The following UGT1A9 variants were observed in gnomAD, a reference collection of about 807,000 sequenced individuals.
UGT1A9 encodes the protein UDP glucuronosyltransferase family 1 member A9, also known as UDP-glucuronosyltransferase 1A9.
Under a neutral mutation model 45.0 loss-of-function variants are expected in UGT1A9, and 35 were observed. That is an observed-to-expected ratio of 0.78 (90% CI 0.59 to 1.03). The LOEUF is 1.03. Ranked by LOEUF, UGT1A9 falls within the 50% of genes least tolerant of loss-of-function variation. UGT1A9 has a pLI of 0.00. For missense variants in UGT1A9, 687 were observed against 666.6 expected, an observed-to-expected ratio of 1.03 and a Z score of -0.34; for synonymous variants, 278 against 250.6, an observed-to-expected ratio of 1.11 and a Z score of -1.03.
At chr2:233,729,623 C>T (rs142986334) in intron 1 of UGT1A9, 391 of 1,613,794 alleles carry the variant, frequency 2.4e-4, no homozygotes, top group Non-Finnish European at 3.1e-4. Context: ...AAGTACCTGT[C>T]GATTCCTACT....
chr2:233,711,532 G>T (rs1296354324), intron 1 of UGT1A9, among the ~76,000 whole-genome samples: 2 of 152,124 alleles, frequency 1.3e-5, no homozygotes, highest in African/African-American at 4.8e-5. Flanking sequence ...ACAACTCCCC[G>T]GGAATCATCC....
chr2:233,753,396 G>C (rs1209022223), intron 1 of UGT1A9: 4 of 152,212 alleles, frequency 2.6e-5, no homozygotes, highest in South Asian at 2.1e-4. Context: ...GAGGGTACTA[G>C]AGCATATCCA....
chr2:233,682,671 A>G, intron 1 of UGT1A9: 1 of 1,613,852 alleles, frequency 6.2e-7, no homozygotes, highest in Non-Finnish European at 8.5e-7. Flanking sequence ...TATGATCTCT[A>G]CAGCCACACA....
At position 233,717,136 on chromosome 2, in the gene UGT1A9, T is replaced by A. The variant is rs565667210; in HGVS notation, c.855+44347T>A. Among the ~76,000 whole-genome samples, 275 of 152,170 alleles carry A rather than the reference T, an allele frequency of 1.8e-3. 2 individuals are homozygous for A. The highest frequency in any genetic ancestry group is 1.2e-3 in the Non-Finnish European group (83 of 68,008). On this transcript the variant is annotated intron_variant, in intron 1 of 4. Coordinates refer to ENST00000354728, the MANE Select transcript of UGT1A9 (RefSeq NM_021027.3). Reference sequence around the variant, plus strand: ...CCACTACATGGAAATAGAACACCACTACATGGAAATAGAACATGGGAGCCC... The same window carrying A: ...CCACTACATGGAAATAGAACACCACAACATGGAAATAGAACATGGGAGCCC...
rs537677937 is a variant in UGT1A9, at chr2:233,740,168, A to T, written c.856-26866A>T. On this transcript the variant is annotated intron_variant, in intron 1 of 4. Transcript: ENST00000354728. ...CCTGAGGCCTCCCCAGTCATGTGGA[A>T]CTGTGAGTCAATTAAACCTCTTTCT... Among the ~76,000 whole-genome samples the T allele has an allele frequency of 6.6e-5, 10 of 151,934 alleles. No homozygotes were observed. In the East Asian group the frequency reaches 9.6e-4, roughly 15 times the overall value.
At chr2:233,717,871 G>C (rs2076612840) in intron 1 of UGT1A9, 1 of 454,894 alleles carries the variant, frequency 2.2e-6, no homozygotes. Context: ...GATTGACTTG[G>C]AGAAAAGCCT....
intron 1 of UGT1A9, among the ~76,000 whole-genome samples, chr2:233,678,037 G>T (rs2074406811): frequency 6.6e-6 from 1 of 152,098 alleles, no homozygotes. Flanking sequence ...TGCAGCTGGA[G>T]GTCATTACCC....
chr2:233,736,812 A>G (rs2078811468), intron 1 of UGT1A9, among the ~76,000 whole-genome samples: 1 of 152,062 alleles, frequency 6.6e-6, no homozygotes, highest in South Asian at 2.1e-4. Context: ...CTGGAGGTCC[A>G]CTCCAGATGC....
At position 233,772,278 on chromosome 2, in the gene UGT1A9, A is replaced by G. The variant is rs1289153891; in HGVS notation, c.1312A>G (p.Met438Val). 6.2e-7 allele frequency: 1 copy of G among 1,614,252 alleles called. No homozygotes were observed. Among genetic ancestry groups the G allele is most frequent in the Admixed American group, 1.7e-5 (1 of 60,036 alleles). Residue 438 changes from methionine to valine, a missense_variant, in exon 5 of 5, where the codon ATG becomes GTG. By Grantham distance (21) the Met-to-Val change is conservative. Coordinates refer to ENST00000354728, the MANE Select transcript of UGT1A9 (RefSeq NM_021027.3). Reference sequence around the variant, plus strand: ...TGTGTTTAGTTACAAGGAGAACATCATGCGCCTCTCCAGCCTTCACAAGGA... The same window carrying G: ...TGTGTTTAGTTACAAGGAGAACATCGTGCGCCTCTCCAGCCTTCACAAGGA... ...INDKSYKENI[M>V]RLSSLHKDRP... is the part of the protein sequence containing the mutation.
chr2:233,766,390 C>T (rs11679312), intron 1 of UGT1A9, among the ~76,000 whole-genome samples: 2,966 of 152,260 alleles, frequency 0.019, 34 homozygotes, highest in Non-Finnish European at 0.031. Context: ...GTCCAGCTGT[C>T]CTTGCGTCCC....
chr2:233,728,324 C>T (rs1309797848), intron 1 of UGT1A9, among the ~76,000 whole-genome samples: 1 of 152,194 alleles, frequency 6.6e-6, no homozygotes, highest in Non-Finnish European at 1.5e-5. Context: ...GGCCAGGCTC[C>T]AGCTCCCCCA....
chr2:233,671,931 T>G lies in UGT1A9; in HGVS notation c.-4T>G. 1 of 1,603,076 alleles carries G rather than the reference T, an allele frequency of 6.2e-7. No homozygotes were observed. The highest frequency in any genetic ancestry group is 8.5e-7 in the Non-Finnish European group (1 of 1,174,434). The stretch of plus-strand genomic sequence containing the variant: ...AGCTGCTTGCTCTCAGCTGCAGTTC[T>G]CTGATGGCTTGCACAGGGTGGACCA... On this transcript the variant is annotated 5_prime_UTR_variant, in exon 1 of 5. Coordinates refer to ENST00000354728, the MANE Select transcript of UGT1A9 (RefSeq NM_021027.3).
At position 233,747,493 on chromosome 2, in the gene UGT1A9, T is replaced by G; in HGVS notation, c.856-19541T>G. 3.1e-6 allele frequency: 5 copies of G among 1,608,784 alleles called. No individual in the cohort carries two copies. In the South Asian group the frequency reaches 3.3e-5, roughly 11 times the overall value. The stretch of plus-strand genomic sequence containing the variant: ...CAGGATGAATTTGATCGCCTTGTGC[T>G]GGGCCACACTCAACTGTACTTTGAA... On this transcript the variant is annotated intron_variant, in intron 1 of 4. Coordinates refer to ENST00000354728, the MANE Select transcript of UGT1A9 (RefSeq NM_021027.3).
intron 1 of UGT1A9, chr2:233,719,191 T>A (rs1353737147): frequency 6.2e-7 from 1 of 1,614,228 alleles, no homozygotes; most frequent in Admixed American, 1.7e-5. Context: ...TCTTTGGCCC[T>A]TCATAGGTGT....
chr2:233,737,637 G>A (rs1475956364), intron 1 of UGT1A9, among the ~76,000 whole-genome samples: 4 of 152,182 alleles, frequency 2.6e-5, no homozygotes, highest in Admixed American at 6.5e-5. Context: ...CATCTTCTGC[G>A]TCGATCATGC....
In UGT1A9 at chr2:233,769,925, T is replaced by TG. The variant is rs2126049712; in HGVS notation, c.1295+1488dup. ...CATGTGCCCAGAGCGTTGGGTGGTG[T>TG]GGTCCCATTCCTTCCTTCCAGCGGC... On this transcript the variant is annotated intron_variant, in intron 4 of 4. Transcript: ENST00000354728. This position sits in a 1 kb window ranked among gnomAD's most constrained non-coding sequence, Gnocchi z 4.4. The TG allele has an allele frequency of 3.8e-6, 1 of 266,564 alleles. No individual in the cohort carries two copies. Among genetic ancestry groups the TG allele is most frequent in the Admixed American group, 5.1e-5 (1 of 19,790 alleles). 16.5% of individuals were successfully genotyped at this position (266,564 alleles called of 1,614,324 possible). A position where few individuals can be genotyped will look rare whatever the true frequency, so the allele number is the denominator to read the frequency against.
At chr2:233,693,234 T>C in intron 1 of UGT1A9, 1 of 1,614,090 alleles carries the variant, frequency 6.2e-7, no homozygotes, top group Non-Finnish European at 8.5e-7. Flanking sequence ...ACAAGAAAAA[T>C]CTATCCAGTG....
intron 1 of UGT1A9, among the ~76,000 whole-genome samples, chr2:233,702,756 T>TA (rs2075705310): frequency 6.6e-6 from 1 of 152,230 alleles, no homozygotes; most frequent in South Asian, 2.1e-4. Flanking sequence ...ATTCTAGTGA[T>TA]ATGTGTTAAT....
intron 1 of UGT1A9, chr2:233,693,427 GA>G (rs1412381412): frequency 6.2e-7 from 1 of 1,614,130 alleles, no homozygotes; most frequent in Non-Finnish European, 8.5e-7. Context: ...TCTTTAAGGA[GA>G]GCAAGTTTGA....
Sources: allele counts gnomAD v4.1 joint callset (sites outside exome capture counted in the v4.1 genomes callset), GRCh38; gene constraint gnomAD v4.1.1; non-coding constraint Gnocchi (gnomAD v3.1); transcripts MANE v1.5; gene names NCBI Gene and HGNC (gene_info 2026-07-23, HGNC 2026-07-21).